The following ERBB4 variants were observed in gnomAD, a reference collection of about 807,000 sequenced individuals.
The protein encoded by ERBB4 is receptor tyrosine-protein kinase erbB-4.
Under a neutral mutation model 158.0 loss-of-function variants are expected in ERBB4, and 42 were observed. The ratio of observed to expected loss-of-function variants is 0.27; its 90% CI spans 0.21 to 0.34. The LOEUF is 0.34. ERBB4 is among the 10% of genes least tolerant of loss of function. ERBB4 has a pLI of 1.00. For synonymous variants in ERBB4, 583 were observed against 558.7 expected (o/e 1.04, Z -0.61); for missense variants, 1,333 against 1,624.1 (o/e 0.82, Z 3.08).
chr2:212,106,124 A>T (rs2079220018), intron 2 of ERBB4, among the ~76,000 whole-genome samples: 1 of 152,152 alleles, frequency 6.6e-6, no homozygotes, highest in African/African-American at 2.4e-5. Context: ...ATACCTTAAA[A>T]TGTGGAAGTG....
chr2:212,412,123 C>T (rs2091517277), intron 1 of ERBB4, among the ~76,000 whole-genome samples: 2 of 152,194 alleles, frequency 1.3e-5, no homozygotes, highest in South Asian at 4.1e-4. Flanking sequence ...CACCCATTCC[C>T]TTCTTGAGGG....
chr2:211,748,025 G>A (rs1044219685), intron 5 of ERBB4, among the ~76,000 whole-genome samples: 4 of 151,620 alleles, frequency 2.6e-5, no homozygotes, highest in African/African-American at 9.7e-5. Flanking sequence ...TAAATGCTAC[G>A]TAAATAGATG....
At chr2:212,469,336 A>G (rs923948017) in intron 1 of ERBB4, among the ~76,000 whole-genome samples, 1 of 152,190 alleles carries the variant, frequency 6.6e-6, no homozygotes, top group Non-Finnish European at 1.5e-5. Flanking sequence ...GTCTCTTTCA[A>G]AAACATAGTT....
chr2:212,308,258 C>A (rs1289046408), intron 1 of ERBB4, among the ~76,000 whole-genome samples: 1 of 151,064 alleles, frequency 6.6e-6, no homozygotes, highest in Non-Finnish European at 1.5e-5. Flanking sequence ...TATTACCAGC[C>A]AAATTATAGT....
At chr2:211,709,226 C>CGTGT (rs138438050) in intron 9 of ERBB4, among the ~76,000 whole-genome samples, 2 of 117,850 alleles carry the variant, frequency 1.7e-5, no homozygotes, top group African/African-American at 3.8e-5. Flanking sequence ...TATATATATG[C>CGTGT]GTGTGTGTGT....
intron 3 of ERBB4, among the ~76,000 whole-genome samples, chr2:211,852,602 A>C (rs150243272): frequency 4.7e-5 from 7 of 149,536 alleles, no homozygotes; most frequent in African/African-American, 1.7e-4. Flanking sequence ...AACTACACTA[A>C]GTGAGGACTT....
intron 1 of ERBB4, among the ~76,000 whole-genome samples, chr2:212,496,046 C>A (rs1314990747): frequency 6.6e-6 from 1 of 151,858 alleles, no homozygotes; most frequent in Admixed American, 6.6e-5. Flanking sequence ...TTAGATAAAC[C>A]TTTGTATTTT....
At chr2:211,831,641 C>A (rs2077221932) in intron 3 of ERBB4, among the ~76,000 whole-genome samples, 1 of 152,062 alleles carries the variant, frequency 6.6e-6, no homozygotes, top group South Asian at 2.1e-4. Context: ...AACATTAATA[C>A]CTGTAATCCC....
chr2:211,994,916 A>T (rs951603224), intron 2 of ERBB4, among the ~76,000 whole-genome samples: 3 of 152,196 alleles, frequency 2.0e-5, no homozygotes, highest in Non-Finnish European at 4.4e-5. Flanking sequence ...GAACATCTAA[A>T]ATTATAGAGC....
intron 1 of ERBB4, among the ~76,000 whole-genome samples, chr2:212,364,841 A>C (rs897185463): frequency 6.6e-6 from 1 of 151,466 alleles, no homozygotes; most frequent in African/African-American, 2.4e-5. Context: ...TTTCAGTGGG[A>C]GACAGGGAGG....
At chr2:211,654,915 T>C (rs2071153700) in intron 16 of ERBB4, among the ~76,000 whole-genome samples, 1 of 152,170 alleles carries the variant, frequency 6.6e-6, no homozygotes, top group African/African-American at 2.4e-5. Flanking sequence ...TTAGGTGTTT[T>C]AGTCTGAGAT....
At chr2:212,041,585 T>C (rs1391047713) in intron 2 of ERBB4, among the ~76,000 whole-genome samples, 1 of 151,240 alleles carries the variant, frequency 6.6e-6, no homozygotes, top group Non-Finnish European at 1.5e-5. Flanking sequence ...ATGGATCATA[T>C]TACATAAAAA....
intron 4 of ERBB4, among the ~76,000 whole-genome samples, chr2:211,783,457 C>A (rs866656109): frequency 2.0e-5 from 3 of 152,098 alleles, no homozygotes; most frequent in South Asian, 2.1e-4. Context: ...GTTTTCAAAG[C>A]GAATGCTTCC....
intron 3 of ERBB4, among the ~76,000 whole-genome samples, chr2:211,840,848 A>G (rs991283274): frequency 2.0e-5 from 3 of 152,144 alleles, no homozygotes; most frequent in African/African-American, 7.2e-5. Context: ...AAACAAATAC[A>G]GTATTTGTTC....
chr2:212,141,989 G>C (rs1287552525), intron 1 of ERBB4, among the ~76,000 whole-genome samples: 1 of 152,100 alleles, frequency 6.6e-6, no homozygotes, highest in Non-Finnish European at 1.5e-5. Context: ...AAGGCACTTA[G>C]ACCATCTATC....
At chr2:211,904,199 A>G (rs1378417249) in intron 3 of ERBB4, among the ~76,000 whole-genome samples, 1 of 152,146 alleles carries the variant, frequency 6.6e-6, no homozygotes, top group African/African-American at 2.4e-5. Context: ...CAACACACTA[A>G]CACACACATT....
chr2:212,391,218 C>T (rs1325708231), intron 1 of ERBB4, among the ~76,000 whole-genome samples: 1 of 151,648 alleles, frequency 6.6e-6, no homozygotes, highest in Non-Finnish European at 1.5e-5. Context: ...ACTTAAAACT[C>T]CAACTAAATT....
chr2:211,920,113 G>T (rs1293798226), intron 3 of ERBB4, among the ~76,000 whole-genome samples: 4 of 152,046 alleles, frequency 2.6e-5, no homozygotes, highest in Non-Finnish European at 5.9e-5. Flanking sequence ...TTTTAAAAAT[G>T]CAACTGACAT....
At chr2:211,554,507 G>A (rs2067186317) in intron 20 of ERBB4, among the ~76,000 whole-genome samples, 1 of 152,218 alleles carries the variant, frequency 6.6e-6, no homozygotes, top group Non-Finnish European at 1.5e-5. Context: ...GTGGGCCTAG[G>A]AGGGCCTGCA....
Sources: gnomAD v4.1 joint callset for allele counts (sites outside exome capture counted in the v4.1 genomes callset) on GRCh38, gnomAD v4.1.1 for gene constraint, MANE v1.5 for transcripts, NCBI Gene and HGNC (gene_info 2026-07-23, HGNC 2026-07-21) for gene names.